IGF1: variants seen among roughly 807,000 people sequenced by gnomAD.
The protein encoded by IGF1 is insulin like growth factor 1, also known as insulin-like growth factor 1.
In IGF1, 4 loss-of-function variants were observed where a neutral mutation model predicts 13.8. The ratio of observed to expected loss-of-function variants is 0.29; its 90% CI spans 0.14 to 0.66. The LOEUF (loss-of-function observed/expected upper bound fraction) is 0.66. Among genes scored for constraint, IGF1 ranks in the 30% least tolerant of loss-of-function variants. The pLI, the probability that IGF1 is intolerant of heterozygous loss-of-function variation, is 0.78. For missense variants in IGF1, 124 were observed against 188.5 expected, an observed-to-expected ratio of 0.66 and a Z score of 2.00; for synonymous variants, 76 against 72.6, an observed-to-expected ratio of 1.05 and a Z score of -0.23.
At chr12:102,455,893 T>C (rs867409657) in intron 2 of IGF1, among the ~76,000 whole-genome samples, 40 of 152,136 alleles carry the variant, frequency 2.6e-4, no homozygotes, top group African/African-American at 8.9e-4. Flanking sequence ...GTTAACCATA[T>C]GTAAAGAGTT....
At chr12:102,428,350 T>G (rs529867990) in intron 2 of IGF1, among the ~76,000 whole-genome samples, 1 of 150,224 alleles carries the variant, frequency 6.7e-6, no homozygotes, top group South Asian at 2.1e-4. Context: ...TAATTTTGGA[T>G]GTAAACAAGA....
chr12:102,396,405 A>G lies in IGF1; in HGVS notation c.*6102T>C, dbSNP rs1000520902. On this transcript the variant is annotated 3_prime_UTR_variant, in exon 4 of 4. Transcript: ENST00000337514. ...TACACAGACACAGATAAAAGATGTA[A>G]GTAGACAGCTTGAGGTTTCAGAGTC... 2.0e-5 allele frequency: 3 copies of G among 152,986 alleles called. No homozygotes were observed. The highest frequency in any genetic ancestry group is 7.2e-5 in the African/African-American group (3 of 41,508). The allele number at this position is 152,986 out of a possible 1,614,324, so 9.5% of individuals were successfully genotyped here.
At chr12:102,475,250 T>C (rs1228731925) in intron 2 of IGF1, among the ~76,000 whole-genome samples, 2 of 152,102 alleles carry the variant, frequency 1.3e-5, no homozygotes, top group African/African-American at 2.4e-5. Context: ...CCAAATCACA[T>C]AGCACTTAAA....
chr12:102,454,716 A>G (rs1333185631), intron 2 of IGF1, among the ~76,000 whole-genome samples: 2 of 152,236 alleles, frequency 1.3e-5, no homozygotes, highest in African/African-American at 4.8e-5. Context: ...AAGATTCGCC[A>G]TGAAGGGGTC....
intron 2 of IGF1, among the ~76,000 whole-genome samples, chr12:102,450,045 T>G (rs896776066): frequency 1.3e-5 from 2 of 152,174 alleles, no homozygotes; most frequent in Non-Finnish European, 2.9e-5. Flanking sequence ...AAGTGTTTTA[T>G]TAAAGTGATG....
rs1038636559 is a variant in IGF1, at chr12:102,477,686, C to T, written c.64-1887G>A. On this transcript the variant is annotated intron_variant, in intron 1 of 3. Coordinates refer to ENST00000337514, the MANE Select transcript of IGF1 (RefSeq NM_000618.5). ...TCTTGCAGAGCATACCCCCACACTG[C>T]GGGAATGGGCCAGTTCTAGAAAGTA... Among the ~76,000 whole-genome samples, 5 of 152,124 alleles carry T rather than the reference C, an allele frequency of 3.3e-5. No individual in the cohort carries two copies. In the South Asian group the frequency reaches 6.2e-4, roughly 19 times the overall value.
At chr12:102,428,074 C>T (rs1406100906) in intron 2 of IGF1, among the ~76,000 whole-genome samples, 4 of 151,292 alleles carry the variant, frequency 2.6e-5, no homozygotes, top group African/African-American at 9.7e-5. Context: ...TGGATTACAG[C>T]CCCAAATCCT....
rs2136928560 is a variant in IGF1 at position 102,398,319 on chromosome 12, A to C, written c.*4188T>G. 2 of 152,760 alleles carry C rather than the reference A, an allele frequency of 1.3e-5. No individual in the cohort carries two copies. The highest frequency in any genetic ancestry group is 4.1e-4 in the South Asian group (2 of 4,834). The allele number at this position is 152,760 out of a possible 1,614,324, so 9.5% of individuals were successfully genotyped here. ...TCTTCTATAAACCAGTAAATGCCAAAGAATACCCAAGGGGGATTTGGCAGA... is the reference window on the plus strand; with the variant it reads ...TCTTCTATAAACCAGTAAATGCCAACGAATACCCAAGGGGGATTTGGCAGA... On this transcript the variant is annotated 3_prime_UTR_variant, in exon 4 of 4. Transcript: ENST00000337514.
chr12:102,476,014 G>A (rs898764854), intron 1 of IGF1, among the ~76,000 whole-genome samples: 2 of 152,218 alleles, frequency 1.3e-5, no homozygotes, highest in African/African-American at 4.8e-5. Context: ...CCTGGCTACT[G>A]TGGATCTTTG....
intron 2 of IGF1, among the ~76,000 whole-genome samples, chr12:102,474,085 C>G (rs1351646885): frequency 1.3e-5 from 2 of 152,068 alleles, no homozygotes; most frequent in Non-Finnish European, 2.9e-5. Context: ...TAAGTGAGAA[C>G]CACTTTTTCA....
upstream of IGF1, chr12:102,480,719 T>C: frequency 1.6e-6 from 1 of 611,958 alleles, no homozygotes; most frequent in East Asian, 4.1e-5. Flanking sequence ...ACATCATACC[T>C]TTGCATTTTA....
chr12:102,406,066 G>T (rs1462303746), intron 3 of IGF1, among the ~76,000 whole-genome samples: 2 of 152,240 alleles, frequency 1.3e-5, no homozygotes, highest in African/African-American at 4.8e-5. Context: ...AGCAGATGCT[G>T]TACCAAGTAG....
intron 3 of IGF1, among the ~76,000 whole-genome samples, chr12:102,416,086 A>G (rs1404741950): frequency 6.6e-6 from 1 of 152,210 alleles, no homozygotes. Flanking sequence ...AGAAAGGGTG[A>G]TCCTGGAGTA....
chr12:102,416,165 T>C (rs944704624), intron 3 of IGF1, among the ~76,000 whole-genome samples: 3 of 152,218 alleles, frequency 2.0e-5, no homozygotes, highest in Non-Finnish European at 2.9e-5. Flanking sequence ...ATCTTCAAAA[T>C]AGACTACTTG....
intron 3 of IGF1, among the ~76,000 whole-genome samples, chr12:102,408,702 A>T (rs886162644): frequency 6.6e-6 from 1 of 152,156 alleles, no homozygotes; most frequent in Non-Finnish European, 1.5e-5. Context: ...TATGGTGGGG[A>T]CATTGAGGCA....
chr12:102,426,789 A>C (rs1420880962), intron 2 of IGF1, among the ~76,000 whole-genome samples: 1 of 152,222 alleles, frequency 6.6e-6, no homozygotes, highest in Non-Finnish European at 1.5e-5. Context: ...ATACATGGTC[A>C]GAAATGGTTT....
At chr12:102,478,984 T>C (rs1881244855) in intron 1 of IGF1, among the ~76,000 whole-genome samples, 1 of 152,228 alleles carries the variant, frequency 6.6e-6, no homozygotes, top group Non-Finnish European at 1.5e-5. Flanking sequence ...TAACAACTTA[T>C]TAAGAGCTCC....
chr12:102,430,545 G>A (rs1194501776), intron 2 of IGF1, among the ~76,000 whole-genome samples: 1 of 152,170 alleles, frequency 6.6e-6, no homozygotes, highest in Non-Finnish European at 1.5e-5. Flanking sequence ...AGAGAATGTA[G>A]ACAGAGCTAC....
At chr12:102,464,608 G>A (rs1485894336) in intron 2 of IGF1, among the ~76,000 whole-genome samples, 1 of 151,772 alleles carries the variant, frequency 6.6e-6, no homozygotes, top group Non-Finnish European at 1.5e-5. Context: ...GTTCAAAAGT[G>A]TTACAACTGC....
Sources: allele counts gnomAD v4.1 joint callset (sites outside exome capture counted in the v4.1 genomes callset), GRCh38; gene constraint gnomAD v4.1.1; transcripts MANE v1.5; gene names NCBI Gene and HGNC (gene_info 2026-07-23, HGNC 2026-07-21).